The following SLC35E4 variants were observed in gnomAD, a reference collection of about 807,000 sequenced individuals.
The protein encoded by SLC35E4 is solute carrier family 35 member E4.
Under a neutral mutation model 19.3 loss-of-function variants are expected in SLC35E4, and 15 were observed. The observed-to-expected ratio is 0.78, with a 90% CI of 0.52 to 1.20. The LOEUF is 1.20. Ranked by LOEUF, SLC35E4 falls within the 50% of genes most tolerant of loss-of-function variation. The probability of loss-of-function intolerance (pLI) is 0.00; values close to 1 mark genes in which losing one functional copy is unlikely to be tolerated. For synonymous variants in SLC35E4, 219 were observed against 219.9 expected (o/e 1.00, Z 0.04); for missense variants, 406 against 472.3 (o/e 0.86, Z 1.30).
downstream of SLC35E4, chr22:30,649,390 A>G: frequency 1.6e-6 from 1 of 608,644 alleles, no homozygotes. Flanking sequence ...GGAGACTGAG[A>G]TTCAGGGAGG....
intron 1 of SLC35E4, among the ~76,000 whole-genome samples, chr22:30,642,871 A>C (rs181954558): frequency 8.3e-4 from 126 of 151,926 alleles, no homozygotes; most frequent in Middle Eastern, 6.8e-3. Context: ...CTACTAAAAA[A>C]TACAAAAAAA....
chr22:30,645,835 T>A (rs902439047), intron 1 of SLC35E4, among the ~76,000 whole-genome samples: 7 of 149,666 alleles, frequency 4.7e-5, no homozygotes, highest in African/African-American at 1.7e-4. Context: ...TTTTTTTTTT[T>A]TTTAAGACAG....
exon 3 of SLC35E4, chr22:30,662,476 G>A (rs1221996404): frequency 6.6e-6 from 1 of 152,164 alleles, no homozygotes; most frequent in Non-Finnish European, 1.5e-5. Context: ...AAAGTTTGGT[G>A]AGGGATGGCC....
chr22:30,657,483 G>A, intron 2 of SLC35E4, among the ~76,000 whole-genome samples: 1 of 150,676 alleles, frequency 6.6e-6, no homozygotes, highest in East Asian at 2.0e-4. Context: ...TTCTGGCCGG[G>A]TGTAGTGGGT....
exon 3 of SLC35E4, chr22:30,662,352 G>A (rs1263850240): frequency 6.6e-6 from 1 of 152,222 alleles, no homozygotes; most frequent in Non-Finnish European, 1.5e-5. Context: ...GCTGGGCCTT[G>A]GTCCGAAGCT....
chr22:30,667,226 G>C (rs918461634), downstream of SLC35E4: 2 of 152,176 alleles, frequency 1.3e-5, no homozygotes, highest in African/African-American at 4.8e-5. Flanking sequence ...AAAAGGACTT[G>C]TTCAGAACGA....
At chr22:30,638,807 T>C (rs2145575799) in intron 1 of SLC35E4, among the ~76,000 whole-genome samples, 1 of 151,848 alleles carries the variant, frequency 6.6e-6, no homozygotes, top group East Asian at 1.9e-4. Flanking sequence ...AGTGAAACTC[T>C]GTCTCAAAAT....
chr22:30,653,977 G>T (rs74426444), intron 2 of SLC35E4: 15,480 of 149,664 alleles, frequency 0.1, 1,000 homozygotes, highest in African/African-American at 0.2. Flanking sequence ...TAGCTGTTTT[G>T]TTTTTTTGTT....
chr22:30,658,158 CTAAG>C (rs2088384163), intron 2 of SLC35E4, among the ~76,000 whole-genome samples: 1 of 150,570 alleles, frequency 6.6e-6, no homozygotes, highest in Admixed American at 6.6e-5. Context: ...GGTTCTAGTT[CTAAG>C]TAAGATAGAG....
downstream of SLC35E4, among the ~76,000 whole-genome samples, chr22:30,651,427 ATTT>A (rs1160256288): frequency 3.6e-4 from 8 of 22,142 alleles, no homozygotes; most frequent in African/African-American, 1.1e-3. Context: ...ATATATATAT[ATTT>A]TTTTTTTTTT....
At position 30,636,862 on chromosome 22, in the gene SLC35E4, C is replaced by A. The variant is rs765241234; in HGVS notation, c.412C>A (p.Leu138Met). ...LRAVPLDLAQ[L>M]VTTTTPLFTL... ...GGCTGTGCCCCTGGACCTGGCACAA[C>A]TGGTTACTACCACCACACCTCTGTT... The change falls in exon 1 of 2, where the codon CTG becomes ATG. Residue 138 changes from leucine (L) to methionine (M), a missense_variant. Physicochemically the swap from Leu to Met is conservative, Grantham distance 15. Transcript: ENST00000343605. 1 of 1,613,004 alleles carries A rather than the reference C, an allele frequency of 6.2e-7. No homozygotes were observed. Among genetic ancestry groups the A allele is most frequent in the East Asian group, 2.2e-5 (1 of 44,878 alleles).
Position 30,646,630 on chromosome 22 carries a change from G to A in SLC35E4, c.652G>A (p.Val218Met). The change falls in exon 2 of 2, where the codon GTG (valine) becomes ATG (methionine). Residue 218 changes from valine (V) to methionine (M), a missense_variant. By Grantham distance (21) the Val-to-Met change is conservative. Coordinates refer to ENST00000343605, the MANE Select transcript of SLC35E4 (RefSeq NM_001001479.4). ...GCTGCAGGAGGAGAGGCTGGACGCG[G>A]TGACCCTGCTTTACGCCACCTCGCT... ...ALLQEERLDAVTLLYATSLPS... is the reference protein window; with the variant it reads ...ALLQEERLDAMTLLYATSLPS... 1.2e-6 allele frequency: 2 copies of A among 1,609,148 alleles called. No homozygotes were observed. Among genetic ancestry groups the A allele is most frequent in the South Asian group, 1.1e-5 (1 of 90,716 alleles).
chr22:30,652,177 G>T (rs140868621), downstream of SLC35E4: 10 of 152,342 alleles, frequency 6.6e-5, no homozygotes, highest in East Asian at 1.9e-3. Flanking sequence ...GGTCAGGGAT[G>T]AAATCACAGG....
At chr22:30,663,599 C>T (rs1363545204), downstream of SLC35E4, 1 of 1,614,138 alleles carries the variant, frequency 6.2e-7, no homozygotes, top group Non-Finnish European at 8.5e-7. Flanking sequence ...GCCGGCATGA[C>T]TTGGTCCACG....
In SLC35E4 at chr22:30,636,348, G is replaced by A; in HGVS notation, c.-103G>A. 1.4e-6 allele frequency: 2 copies of A among 1,403,820 alleles called. No individual in the cohort carries two copies. The highest frequency in any genetic ancestry group is 2.5e-5 in the East Asian group (1 of 39,590). 87.0% of individuals were successfully genotyped at this position (1,403,820 alleles called of 1,614,324 possible). ...CTCACCTGTCTGAAACGGGACACGG[G>A]GTCGGAGGAACCAGGATCTAGCCTG... On this transcript the variant is annotated 5_prime_UTR_variant, in exon 1 of 2. Coordinates refer to ENST00000343605, the MANE Select transcript of SLC35E4 (RefSeq NM_001001479.4).
intron 2 of SLC35E4, among the ~76,000 whole-genome samples, chr22:30,653,031 T>C (rs1447757330): frequency 6.6e-6 from 1 of 151,962 alleles, no homozygotes. Flanking sequence ...AGCCTGGGAG[T>C]ATTCTGTTCT....
At chr22:30,665,105 C>A (rs1346429449), downstream of SLC35E4, 1 of 154,676 alleles carries the variant, frequency 6.5e-6, no homozygotes, top group African/African-American at 2.4e-5. Context: ...CCCTCACTTT[C>A]TCAGTCTTAA....
chr22:30,660,566 G>A (rs1280200013), intron 2 of SLC35E4, among the ~76,000 whole-genome samples: 1 of 152,198 alleles, frequency 6.6e-6, no homozygotes, highest in Admixed American at 6.5e-5. Context: ...AGAAGTACAG[G>A]ACAGTATGGT....
downstream of SLC35E4, chr22:30,668,070 G>C (rs2088747711): frequency 1.2e-5 from 2 of 162,658 alleles, no homozygotes; most frequent in Admixed American, 1.3e-4. Flanking sequence ...CAACGACCAT[G>C]ACTCCCAACC....
Sources: gnomAD v4.1 joint callset for allele counts (sites outside exome capture counted in the v4.1 genomes callset) on GRCh38, gnomAD v4.1.1 for gene constraint, MANE v1.5 for transcripts, NCBI Gene and HGNC (gene_info 2026-07-23, HGNC 2026-07-21) for gene names.